The following CEP76 variants were observed in gnomAD, a reference collection of about 807,000 sequenced individuals.
The protein encoded by CEP76 is centrosomal protein of 76 kDa.
A neutral mutation model predicts 83.3 loss-of-function variants in CEP76; 55 were observed. That is an observed-to-expected ratio of 0.66 (90% CI 0.53 to 0.83). The LOEUF (loss-of-function observed/expected upper bound fraction) is 0.83, where lower values mean the gene tolerates loss of function less well. Ranked by LOEUF, CEP76 falls within the 40% of genes least tolerant of loss-of-function variation. The pLI is 0.00. For synonymous variants in CEP76, 270 were observed against 274.5 expected, an observed-to-expected ratio of 0.98 and a Z score of 0.16; for missense variants, 694 against 799.5, an observed-to-expected ratio of 0.87 and a Z score of 1.59.
chr18:12,695,365 T>A lies in CEP76; in HGVS notation c.707-14A>T. ...TTGATTCTGTGCCTATAAACATAAA[T>A]ATTTTGAACTTCAGAGATTTCAATA... On this transcript the variant is annotated splice_polypyrimidine_tract_variant and intron_variant, in intron 5 of 11. Coordinates refer to ENST00000262127, the MANE Select transcript of CEP76 (RefSeq NM_024899.4). 1 of 1,288,794 alleles carries A rather than the reference T, an allele frequency of 7.8e-7. No homozygotes were observed. Among genetic ancestry groups the A allele is most frequent in the Non-Finnish European group, 1.1e-6 (1 of 913,024 alleles). The allele number at this position is 1,288,794 out of a possible 1,614,324, so 79.8% of individuals were successfully genotyped here.
chr18:12,674,722 T>C lies in CEP76; in HGVS notation c.1655A>G (p.Gln552Arg). The stretch of plus-strand genomic sequence containing the variant: ...AGCTGGTGATAAAAGGTAGGAGAGC[T>C]GGTCTTCCCAAACAGTAGTGAGGCC... ...DLGLTTVWED[Q>R]LSYLLSPALA... Residue 552 changes from glutamine to arginine, a missense_variant, in exon 11 of 12, where the codon CAG becomes CGG. Coordinates refer to ENST00000262127, the MANE Select transcript of CEP76 (RefSeq NM_024899.4). 1 of 1,614,016 alleles carries C rather than the reference T, an allele frequency of 6.2e-7. No individual in the cohort carries two copies. The highest frequency in any genetic ancestry group is 1.1e-5 in the South Asian group (1 of 91,074).
intron 6 of CEP76, among the ~76,000 whole-genome samples, chr18:12,694,380 G>A (rs9303775): frequency 0.39 from 59,485 of 151,944 alleles, 12,058 homozygotes; most frequent in Non-Finnish European, 0.45. Context: ...GTGCCATCCC[G>A]GCAAGTCAGC....
chr18:12,679,485 T>C (rs1324457108), intron 9 of CEP76, among the ~76,000 whole-genome samples: 3 of 152,174 alleles, frequency 2.0e-5, no homozygotes, highest in East Asian at 1.9e-4. Context: ...TCCCAGTGTT[T>C]TTCCTTTTTG....
intron 12 of CEP76, among the ~76,000 whole-genome samples, chr18:12,663,252 T>C (rs761282107): frequency 6.6e-6 from 1 of 152,142 alleles, no homozygotes; most frequent in Non-Finnish European, 1.5e-5. Context: ...TTAATTCCAG[T>C]GGGAAATTAA....
At position 12,678,404 on chromosome 18, in the gene CEP76, A is replaced by T; in HGVS notation, c.1328T>A (p.Val443Asp). 13 of 1,613,808 alleles carry T rather than the reference A, an allele frequency of 8.1e-6. No individual in the cohort carries two copies. Among genetic ancestry groups the T allele is most frequent in the Non-Finnish European group, 1.0e-5 (12 of 1,179,682 alleles). Residue 443 changes from valine to aspartate, a missense_variant, in exon 10 of 12, where the codon GTT becomes GAT. Val to Asp is a radical substitution (Grantham distance 152). Coordinates refer to ENST00000262127, the MANE Select transcript of CEP76 (RefSeq NM_024899.4). ...HKPTNPDEPPVAEQPKPLYPY... is the reference protein window; with the variant it reads ...HKPTNPDEPPDAEQPKPLYPY... ...GTACAGTGGTTTGGGCTGTTCAGCA[A>T]CTGGAGGTTCATCAGGATTGGTAGG...
rs1330536962 is a variant in CEP76 at position 12,694,871 on chromosome 18, C to A, written c.804+383G>T. On this transcript the variant is annotated intron_variant, in intron 6 of 11. Transcript: ENST00000262127. ...TACTACAGGTGCCTGCCACCACGCC[C>A]GGCTATTTTTTTTTTTTGTATTTTT... 2.6e-5 allele frequency among the ~76,000 whole-genome samples: 4 copies of A among 151,772 alleles called. 1 individual carries two copies. The highest frequency in any genetic ancestry group is 2.6e-4 in the Admixed American group (4 of 15,216).
chr18:12,702,268 C>G (rs544998116), intron 1 of CEP76, among the ~76,000 whole-genome samples: 4 of 152,364 alleles, frequency 2.6e-5, no homozygotes, highest in African/African-American at 9.6e-5. Context: ...TTCTATCGCC[C>G]CAGACTCTTG....
intron 11 of CEP76, among the ~76,000 whole-genome samples, chr18:12,673,773 T>C (rs1383516086): frequency 1.3e-5 from 2 of 151,908 alleles, no homozygotes; most frequent in East Asian, 3.9e-4. Flanking sequence ...CCCAGCTACT[T>C]GGGAGGCTGA....
downstream of CEP76, among the ~76,000 whole-genome samples, chr18:12,669,096 T>G: frequency 8.5e-6 from 1 of 118,144 alleles, no homozygotes; most frequent in African/African-American, 3.1e-5. Context: ...TGGAGTGCAG[T>G]GGTGTGATCT....
chr18:12,694,310 A>C (rs902543464), intron 6 of CEP76, among the ~76,000 whole-genome samples: 4 of 152,214 alleles, frequency 2.6e-5, no homozygotes, highest in Non-Finnish European at 4.4e-5. Flanking sequence ...AAAAGGAACA[A>C]TATGACAGGC....
intron 8 of CEP76, 178 bp downstream of exon 8, chr18:12,686,083 AT>A (rs1171366343): frequency 2.0e-6 from 1 of 488,668 alleles, no homozygotes; most frequent in Non-Finnish European, 3.6e-6. Flanking sequence ...TATTATTGTA[AT>A]TTTTTACTTT....
At chr18:12,695,203 T>C (rs1308823673) in intron 6 of CEP76, 51 bp downstream of exon 6, 4 of 749,328 alleles carry the variant, frequency 5.3e-6, no homozygotes, top group Admixed American at 6.1e-5. Context: ...CAGGTAAATA[T>C]ACTACTATGA....
Position 12,699,038 on chromosome 18 carries a change from C to T in CEP76, c.461G>A (p.Cys154Tyr). The part of the protein sequence containing the change: ...NQRFRSKPVP[C>Y]ACEPDFHDGF... ...ATCATGAAAATCTGGTTCACAGGCA[C>T]ATGGAACAGGTTTAGAACGAAAACG... The change falls in exon 4 of 12, where the codon TGT becomes TAT. Residue 154 changes from cysteine to tyrosine, a missense_variant. Cys to Tyr is a radical substitution (Grantham distance 194). Transcript: ENST00000262127. 1 of 1,613,922 alleles carries T rather than the reference C, an allele frequency of 6.2e-7. No individual in the cohort carries two copies. The highest frequency in any genetic ancestry group is 8.5e-7 in the Non-Finnish European group (1 of 1,179,930).
intron 12 of CEP76, chr18:12,662,307 A>G (rs966453199): frequency 8.2e-6 from 3 of 365,868 alleles, no homozygotes; most frequent in African/African-American, 2.1e-5. Context: ...CTCTTCAGTT[A>G]TACAACTTGA....
intron 12 of CEP76, among the ~76,000 whole-genome samples, chr18:12,662,497 C>T (rs906349353): frequency 5.3e-5 from 8 of 152,274 alleles, no homozygotes; most frequent in Admixed American, 2.6e-4. Context: ...GTCCTGAGCC[C>T]GGCCATGGGG....
intron 7 of CEP76, chr18:12,691,115 T>A (rs1440790392): frequency 8.4e-6 from 3 of 357,952 alleles, no homozygotes; most frequent in Non-Finnish European, 1.5e-5. Context: ...AATAATTGAT[T>A]CAACCTGAGA....
At chr18:12,697,707 C>T (rs1320659871) in intron 4 of CEP76, among the ~76,000 whole-genome samples, 1 of 152,132 alleles carries the variant, frequency 6.6e-6, no homozygotes, top group African/African-American at 2.4e-5. Context: ...GTATATGCTA[C>T]TACAATAAAA....
chr18:12,687,182 G>A (rs1431006739), intron 7 of CEP76, among the ~76,000 whole-genome samples: 1 of 152,070 alleles, frequency 6.6e-6, no homozygotes, highest in African/African-American at 2.4e-5. Context: ...TCAAGATTTG[G>A]AGATGACCTA....
chr18:12,686,500 TTA>T, intron 7 of CEP76, 50 bp from the exon 8 acceptor site: 1 of 1,337,098 alleles, frequency 7.5e-7, no homozygotes. Context: ...TCATCCCCAA[TTA>T]TGTTTTTTTC....
Sources: gnomAD v4.1 joint callset for allele counts (sites outside exome capture counted in the v4.1 genomes callset) on GRCh38, gnomAD v4.1.1 for gene constraint, MANE v1.5 for transcripts, NCBI Gene and HGNC (gene_info 2026-07-23, HGNC 2026-07-21) for gene names.